The following AFG3L2 variants were observed in gnomAD, a reference collection of about 807,000 sequenced individuals.
The protein encoded by AFG3L2 is AFG3 like matrix AAA peptidase subunit 2.
Under a neutral mutation model 94.5 loss-of-function variants are expected in AFG3L2, and 54 were observed. That is an observed-to-expected ratio of 0.57 (90% confidence interval 0.46 to 0.72). AFG3L2 has a LOEUF of 0.72. Among genes scored for constraint, AFG3L2 ranks in the 30% least tolerant of loss-of-function variants. The pLI is 0.00. For synonymous variants in AFG3L2, 377 were observed against 365.5 expected (o/e 1.03, Z -0.36); for missense variants, 754 against 994.9 (o/e 0.76, Z 3.26).
At position 12,371,681 on chromosome 18, in the gene AFG3L2, A is replaced by T; in HGVS notation, c.125T>A (p.Phe42Tyr). 1 of 1,613,934 alleles carries T rather than the reference A, an allele frequency of 6.2e-7. No homozygotes were observed. The highest frequency in any genetic ancestry group is 8.5e-7 in the Non-Finnish European group (1 of 1,179,894). The change falls in exon 2 of 17, where the codon TTT becomes TAT. Residue 42 changes from phenylalanine to tyrosine, a missense_variant. By Grantham distance (22) the Phe-to-Tyr change is conservative. Transcript: ENST00000269143. ...EQPCLRTLYR[F>Y]VTTQARASRN... ...GCTGGCCCTTGCTTGAGTTGTAACA[A>T]ATCGGTAAAGCTGCAACAAGACATA...
chr18:12,333,036 ATATAATCTATTATATAATAGAT>A (rs1422163790), intron 16 of AFG3L2, among the ~76,000 whole-genome samples: 15 of 54,934 alleles, frequency 2.7e-4, no homozygotes, highest in African/African-American at 3.5e-4. Flanking sequence ...ATATAAAAAT[ATATAATCTATTATATAATAGAT>A]TATAATCTAT....
intron 14 of AFG3L2, chr18:12,343,203 CTAATGAAATTGA>C (rs1184476726): frequency 6.6e-6 from 1 of 152,188 alleles, no homozygotes; most frequent in Non-Finnish European, 1.5e-5. Context: ...ACTGAAATTG[CTAATGAAATTGA>C]ATTTTTAAAA....
intron 16 of AFG3L2, among the ~76,000 whole-genome samples, chr18:12,332,962 A>AT (rs1568131911): frequency 4.8e-4 from 57 of 117,754 alleles, no homozygotes; most frequent in South Asian, 4.3e-3. Flanking sequence ...TATATACTAT[A>AT]ATATATTATA....
chr18:12,375,109 G>A (rs2143246461), intron 1 of AFG3L2, among the ~76,000 whole-genome samples: 1 of 151,432 alleles, frequency 6.6e-6, no homozygotes, highest in East Asian at 1.9e-4. Context: ...TGGTAAAACA[G>A]GGAAATGGAT....
chr18:12,339,362 G>A (rs1435141857), intron 15 of AFG3L2, among the ~76,000 whole-genome samples: 1 of 151,438 alleles, frequency 6.6e-6, no homozygotes. Context: ...AGACCAGCCT[G>A]ACCAACATGG....
intron 1 of AFG3L2, among the ~76,000 whole-genome samples, chr18:12,375,038 A>G (rs1257077193): frequency 6.8e-6 from 1 of 148,030 alleles, no homozygotes; most frequent in Non-Finnish European, 1.5e-5. Flanking sequence ...TCTGGGCGAC[A>G]GAGCGAGACC....
chr18:12,367,391 A>G lies in AFG3L2; in HGVS notation c.293-9T>C, dbSNP rs765101082. 4 of 1,613,706 alleles carry G rather than the reference A, an allele frequency of 2.5e-6. No homozygotes were observed. The Admixed American group carries it at 6.7e-5, about 27-fold the overall frequency. The stretch of plus-strand genomic sequence containing the variant: ...AGCAGCTGGCTTTGATTCTGTTCAT[A>G]AACAAAGAGCACACACAGAAGCACG... On this transcript the variant is annotated splice_polypyrimidine_tract_variant and intron_variant, in intron 3 of 16. Coordinates refer to ENST00000269143, the MANE Select transcript of AFG3L2 (RefSeq NM_006796.3).
In AFG3L2 at chr18:12,377,173, A is replaced by C. The variant is rs1909191891; in HGVS notation, c.-91T>G. ...CTCGGGAAGCGGGCTCGGCTCGGGG[A>C]AAGGCCGCCAGGCAGCGAAGCGCGC... On this transcript the variant is annotated 5_prime_UTR_variant, in exon 1 of 17. Coordinates refer to ENST00000269143, the MANE Select transcript of AFG3L2 (RefSeq NM_006796.3). 9.7e-7 allele frequency: 1 copy of C among 1,029,922 alleles called. No individual in the cohort carries two copies. Among genetic ancestry groups the C allele is most frequent in the African/African-American group, 1.7e-5 (1 of 58,880 alleles). The allele number at this position is 1,029,922 out of a possible 1,614,324, so 63.8% of individuals were successfully genotyped here. A position where few individuals can be genotyped will look rare whatever the true frequency, so the allele number is the denominator to read the frequency against.
chr18:12,342,670 T>C (rs1907991556), intron 14 of AFG3L2: 1 of 152,264 alleles, frequency 6.6e-6, no homozygotes. Context: ...TTGATGGTTT[T>C]AGTTCTTATG....
At chr18:12,357,929 C>G (rs1229042234) in intron 8 of AFG3L2, among the ~76,000 whole-genome samples, 1 of 152,058 alleles carries the variant, frequency 6.6e-6, no homozygotes, top group Non-Finnish European at 1.5e-5. Flanking sequence ...GTTGTAGAGA[C>G]AGTTAGGTGT....
chr18:12,332,932 C>CTGTATAATATATAATATATATTA lies in AFG3L2; in HGVS notation c.2176-3150_2176-3149insTAATATATATTATATATTATACA, dbSNP rs1907586540. Among the ~76,000 whole-genome samples the CTGTATAATATATAATATATATTA allele has an allele frequency of 2.7e-5, 3 of 113,046 alleles. 1 individual carries two copies. The highest frequency in any genetic ancestry group is 2.5e-4 in the South Asian group (1 of 4,044). The allele number at this position is 113,046 out of a possible 152,430, so 74.2% of individuals were successfully genotyped here. A position where few individuals can be genotyped will look rare whatever the true frequency, so the allele number is the denominator to read the frequency against. On this transcript the variant is annotated intron_variant, in intron 16 of 16. Coordinates refer to ENST00000269143, the MANE Select transcript of AFG3L2 (RefSeq NM_006796.3). ...AAATATATATTATATATAACATATA[C>CTGTATAATATATAATATATATTA]TATATAACATATAATATATTATATA...
Position 12,340,594 on chromosome 18 carries a change from G to A in AFG3L2, c.1780-193C>T, listed in dbSNP as rs1252248599. On this transcript the variant is annotated intron_variant, in intron 14 of 16. Transcript: ENST00000269143. ...TCTCTCAGGATAAGTTCACCTTAGA[G>A]TGTTTTTTTTCTTGAGATTGAGATT... 6.5e-4 allele frequency among the ~76,000 whole-genome samples: 3 copies of A among 4,584 alleles called. No individual in the cohort carries two copies. In the East Asian group the frequency reaches 0.12, roughly 191 times the overall value. 3.0% of individuals were successfully genotyped at this position (4,584 alleles called of 152,430 possible). A position where few individuals can be genotyped will look rare whatever the true frequency, so the allele number is the denominator to read the frequency against.
At chr18:12,336,132 C>T (rs1907734671) in intron 16 of AFG3L2, among the ~76,000 whole-genome samples, 2 of 152,118 alleles carry the variant, frequency 1.3e-5, no homozygotes, top group South Asian at 4.1e-4. Flanking sequence ...ACTAAACTAC[C>T]CTTGTAAAAC....
At chr18:12,331,860 TAA>T (rs1907543365) in intron 16 of AFG3L2, among the ~76,000 whole-genome samples, 1 of 141,152 alleles carries the variant, frequency 7.1e-6, no homozygotes, top group African/African-American at 2.8e-5. Context: ...TATATATATA[TAA>T]AACAAGGGCA....
Position 12,351,299 on chromosome 18 carries a change from A to G in AFG3L2, c.1426+7T>C. On this transcript the variant is annotated splice_region_variant and intron_variant, in intron 11 of 16. Coordinates refer to ENST00000269143, the MANE Select transcript of AFG3L2 (RefSeq NM_006796.3). ...CACTGGACCTGCCCCAGCAAACATC[A>G]TCTCACCAATAAAGATCTGCCTGTC... is the stretch of plus-strand genomic sequence containing the variant. The G allele has an allele frequency of 6.2e-7, 1 of 1,614,136 alleles. No homozygotes were observed. The highest frequency in any genetic ancestry group is 8.5e-7 in the Non-Finnish European group (1 of 1,179,994).
At position 12,340,344 on chromosome 18, in the gene AFG3L2, G is replaced by C. The variant is rs1329597848; in HGVS notation, c.1837C>G (p.Gln613Glu). 4 of 1,614,160 alleles carry C rather than the reference G, an allele frequency of 2.5e-6. No homozygotes were observed. Among genetic ancestry groups the C allele is most frequent in the Non-Finnish European group, 3.4e-6 (4 of 1,180,016 alleles). The change falls in exon 15 of 17, where the codon CAA becomes GAA. Residue 613 changes from glutamine (Q) to glutamate (E), a missense_variant. Physicochemically the swap from Gln to Glu is conservative, Grantham distance 29. This residue lies in a region of AFG3L2 where 279 missense variants were observed against 378.6 expected (regional missense o/e 0.74). Transcript: ENST00000269143. ...LGYAQYLPKE[Q>E]YLYTKEQLLD... ...AGCTGCTCTTTGGTATAGAGGTATT[G>C]TTCTTTTGGTAAATACTGAGCATAA...
intron 3 of AFG3L2, 37 bp downstream of exon 3, chr18:12,370,812 A>G: frequency 7.2e-7 from 1 of 1,391,576 alleles, no homozygotes; most frequent in African/African-American, 1.4e-5. Context: ...CATGAGGGGA[A>G]AACACAAAAT....
At chr18:12,340,443 A>C (rs1299066634) in intron 14 of AFG3L2, 42 bp from the exon 15 acceptor site, 4 of 1,456,554 alleles carry the variant, frequency 2.7e-6, no homozygotes, top group Non-Finnish European at 3.9e-6. Context: ...ACTACAGATG[A>C]AGACTTGATC....
chr18:12,366,291 A>G (rs1177730954), intron 5 of AFG3L2, among the ~76,000 whole-genome samples: 2 of 152,230 alleles, frequency 1.3e-5, no homozygotes, highest in African/African-American at 2.4e-5. Context: ...TTGTCTTAGC[A>G]ACTTATAAAA....
Sources: gnomAD v4.1 joint callset for allele counts (sites outside exome capture counted in the v4.1 genomes callset) on GRCh38, gnomAD v4.1.1 for gene constraint, gnomAD v4.1.1 regional missense constraint, MANE v1.5 for transcripts, NCBI Gene and HGNC (gene_info 2026-07-23, HGNC 2026-07-21) for gene names.